The following MAST4 variants were observed in gnomAD, a reference collection of about 807,000 sequenced individuals.
MAST4 encodes the protein microtubule-associated serine/threonine-protein kinase 4.
Under a neutral mutation model 162.7 loss-of-function variants are expected in MAST4, and 89 were observed. That is an observed-to-expected ratio of 0.55 (90% CI 0.46 to 0.65). The LOEUF (loss-of-function observed/expected upper bound fraction) is 0.65, where lower values mean the gene tolerates loss of function less well. Among genes scored for constraint, MAST4 ranks in the 30% least tolerant of loss-of-function variants. The probability of loss-of-function intolerance (pLI) is 0.00; values close to 1 mark genes in which losing one functional copy is unlikely to be tolerated. For synonymous variants in MAST4, 1,479 were observed against 1,361.1 expected, an observed-to-expected ratio of 1.09 and a Z score of -1.91; for missense variants, 3,153 against 3,374.0, an observed-to-expected ratio of 0.93 and a Z score of 1.62.
intron 4 of MAST4, among the ~76,000 whole-genome samples, chr5:67,041,705 T>C (rs928045353): frequency 2.0e-5 from 3 of 152,262 alleles, no homozygotes; most frequent in Non-Finnish European, 4.4e-5. Context: ...CTCAGCTCAC[T>C]GCAACCTCCG....
intron 4 of MAST4, among the ~76,000 whole-genome samples, chr5:66,982,335 A>G (rs568967061): frequency 3.6e-4 from 55 of 152,312 alleles, no homozygotes; most frequent in African/African-American, 1.3e-3. Flanking sequence ...TCTAATAACA[A>G]TTTGGTAAAG....
At chr5:66,697,496 T>C (rs1749483647) in intron 1 of MAST4, among the ~76,000 whole-genome samples, 1 of 152,230 alleles carries the variant, frequency 6.6e-6, no homozygotes, top group South Asian at 2.1e-4. Context: ...TCCACAATTA[T>C]CTGAAAGTCT....
chr5:66,978,457 C>T (rs1748400341), intron 4 of MAST4, among the ~76,000 whole-genome samples: 1 of 152,156 alleles, frequency 6.6e-6, no homozygotes, highest in African/African-American at 2.4e-5. Flanking sequence ...GGGAAGGATA[C>T]CAAGAAGAGA....
intron 3 of MAST4, among the ~76,000 whole-genome samples, chr5:66,871,149 G>A (rs746912557): frequency 2.0e-5 from 3 of 152,100 alleles, no homozygotes; most frequent in East Asian, 3.9e-4. Context: ...TGACATCCCC[G>A]AACTCAGAGC....
intron 1 of MAST4, among the ~76,000 whole-genome samples, chr5:66,644,951 T>C (rs1256151880): frequency 2.0e-5 from 3 of 151,492 alleles, no homozygotes; most frequent in South Asian, 2.1e-4. Context: ...TGGAACCTTA[T>C]GAATATTCCA....
chr5:67,165,491 G>A lies in MAST4; in HGVS notation c.6312G>A (p.Lys2104=), dbSNP rs1773786915. ...GAATTGAGAGTGAGAAGAGTGAAAA[G>A]CTCTCCAGTTTCCCATCTTTGCAGA... ...PPGIESEKSE[K]LSSFPSLQKD... is the part of the protein sequence containing the mutation. Residue 2104 remains lysine, a synonymous_variant, in exon 29 of 29, where the codon AAG becomes AAA. Transcript: ENST00000403625. 4 of 1,613,860 alleles carry A rather than the reference G, an allele frequency of 2.5e-6. No individual in the cohort carries two copies. The African/African-American group carries it at 5.3e-5, about 22-fold the overall frequency.
intron 2 of MAST4, among the ~76,000 whole-genome samples, chr5:66,782,881 C>T (rs140532429): frequency 1.3e-5 from 2 of 152,308 alleles, no homozygotes; most frequent in African/African-American, 4.8e-5. Flanking sequence ...ATGAATACGA[C>T]AGCAACACAC....
intron 5 of MAST4, 149 bp from the exon 6 acceptor site, chr5:67,090,013 C>T (rs1581519122): frequency 3.2e-6 from 2 of 615,860 alleles, no homozygotes; most frequent in East Asian, 6.2e-5. Context: ...CCCACCCCAC[C>T]ATCCCTGGTC....
At chr5:66,885,062 C>A (rs1761950579) in intron 3 of MAST4, among the ~76,000 whole-genome samples, 2 of 152,184 alleles carry the variant, frequency 1.3e-5, no homozygotes, top group African/African-American at 2.4e-5. Flanking sequence ...TCCTAGAGCT[C>A]TGTCATGCTC....
intron 8 of MAST4, among the ~76,000 whole-genome samples, chr5:67,100,823 G>A (rs765027850): frequency 2.6e-5 from 4 of 152,124 alleles, no homozygotes; most frequent in Non-Finnish European, 4.4e-5. Context: ...TAGTAATCAC[G>A]ATGGTCTTGG....
intron 26 of MAST4, among the ~76,000 whole-genome samples, chr5:67,158,663 G>T (rs1278474432): frequency 6.6e-6 from 1 of 152,116 alleles, no homozygotes; most frequent in African/African-American, 2.4e-5. Flanking sequence ...ATGTAAGACT[G>T]AATAAATCAT....
At chr5:66,897,120 T>C (rs1762731100) in intron 3 of MAST4, among the ~76,000 whole-genome samples, 1 of 152,158 alleles carries the variant, frequency 6.6e-6, no homozygotes, top group Non-Finnish European at 1.5e-5. Flanking sequence ...GTGTCAACAA[T>C]TAGCATATTG....
At chr5:66,599,060 C>T (rs933186393) in intron 1 of MAST4, among the ~76,000 whole-genome samples, 1 of 152,140 alleles carries the variant, frequency 6.6e-6, no homozygotes, top group Non-Finnish European at 1.5e-5. Context: ...ACTTAACCTG[C>T]GGCATGGGAT....
intron 1 of MAST4, among the ~76,000 whole-genome samples, chr5:66,670,206 C>T (rs58181607): frequency 0.025 from 3,765 of 152,122 alleles, 164 homozygotes; most frequent in African/African-American, 0.087. Context: ...GGAGCAAATA[C>T]GCCAAGGTCA....
chr5:67,070,254 A>T (rs770802262), intron 5 of MAST4, among the ~76,000 whole-genome samples: 65 of 152,218 alleles, frequency 4.3e-4, no homozygotes, highest in Non-Finnish European at 6.3e-4. Context: ...TTTAACATCA[A>T]GAGATGTACA....
chr5:66,738,705 T>A (rs912724720), intron 1 of MAST4, among the ~76,000 whole-genome samples: 2 of 152,224 alleles, frequency 1.3e-5, no homozygotes, highest in South Asian at 2.1e-4. Flanking sequence ...CTCCTCCCGG[T>A]TGAAAGTGCT....
intron 4 of MAST4, among the ~76,000 whole-genome samples, chr5:66,947,058 C>G (rs1744114027): frequency 6.6e-6 from 1 of 152,070 alleles, no homozygotes. Flanking sequence ...TATGAGGCTC[C>G]TGGTAACTTG....
At chr5:66,638,014 C>T (rs1047238706) in intron 1 of MAST4, among the ~76,000 whole-genome samples, 1 of 152,120 alleles carries the variant, frequency 6.6e-6, no homozygotes, top group African/African-American at 2.4e-5. Flanking sequence ...TTTGATATAT[C>T]TTCTTTAGTT....
At chr5:66,854,190 C>T (rs974055193) in intron 3 of MAST4, among the ~76,000 whole-genome samples, 1 of 152,288 alleles carries the variant, frequency 6.6e-6, no homozygotes, top group Non-Finnish European at 1.5e-5. Flanking sequence ...TGTGCCTATA[C>T]TGCCTAGCAC....
Sources: allele counts gnomAD v4.1 joint callset (sites outside exome capture counted in the v4.1 genomes callset), GRCh38; gene constraint gnomAD v4.1.1; transcripts MANE v1.5; gene names NCBI Gene and HGNC (gene_info 2026-07-23, HGNC 2026-07-21).